The following NUP155 variants were observed in gnomAD, a reference collection of about 807,000 sequenced individuals.
NUP155 encodes the protein nuclear pore complex protein Nup155.
Under a neutral mutation model 180.4 loss-of-function variants are expected in NUP155, and 71 were observed. The ratio of observed to expected loss-of-function variants is 0.39; its 90% CI spans 0.33 to 0.48. The LOEUF is 0.48. Among genes scored for constraint, NUP155 ranks in the 20% least tolerant of loss-of-function variants. The pLI, the probability that NUP155 is intolerant of heterozygous loss-of-function variation, is 0.91. For synonymous variants in NUP155, 582 were observed against 559.5 expected, an observed-to-expected ratio of 1.04 and a Z score of -0.57; for missense variants, 1,553 against 1,648.9, an observed-to-expected ratio of 0.94 and a Z score of 1.01.
chr5:37,365,736 A>ATATATAT (rs1273845086), intron 1 of NUP155, among the ~76,000 whole-genome samples: 4 of 35,704 alleles, frequency 1.1e-4, no homozygotes, highest in South Asian at 3.0e-3. Flanking sequence ...AAAAAAAAAA[A>ATATATAT]AAATATATAT....
intron 26 of NUP155, 62 bp downstream of exon 26, chr5:37,304,995 C>T: frequency 6.3e-7 from 1 of 1,581,750 alleles, no homozygotes; most frequent in Non-Finnish European, 8.7e-7. Context: ...ACTGTGCTAC[C>T]ATTACCATGG....
Position 37,325,973 on chromosome 5 carries a change from A to G in NUP155, c.2025-6T>C, listed in dbSNP as rs765367597. ...AGCTTGCATCCCAAATGTTTCTGGA[A>G]AAAAAAAAGTTTTAATGATTGTGCT... On this transcript the variant is annotated splice_region_variant and splice_polypyrimidine_tract_variant and intron_variant, in intron 18 of 34. Transcript: ENST00000231498. The G allele has an allele frequency of 9.4e-6, 15 of 1,599,618 alleles. No homozygotes were observed. In the Admixed American group the frequency reaches 2.5e-4, roughly 27 times the overall value.
intron 12 of NUP155, 81 bp downstream of exon 12, chr5:37,337,737 T>C: frequency 1.2e-6 from 1 of 800,964 alleles, no homozygotes; most frequent in Admixed American, 1.9e-5. Flanking sequence ...CAGCAATACA[T>C]CAGAAGATAA....
chr5:37,308,917 T>C (rs1039018666), intron 24 of NUP155, among the ~76,000 whole-genome samples: 6 of 107,782 alleles, frequency 5.6e-5, no homozygotes, highest in African/African-American at 1.0e-4. Flanking sequence ...TTTCAAAAAA[T>C]AGAAAGAACA....
chr5:37,305,449 A>G (rs917812763), intron 25 of NUP155, among the ~76,000 whole-genome samples: 3 of 152,166 alleles, frequency 2.0e-5, no homozygotes, highest in Admixed American at 1.3e-4. Flanking sequence ...TGGGAGACGA[A>G]GGCAGGGGGA....
intron 19 of NUP155, among the ~76,000 whole-genome samples, chr5:37,325,518 T>G (rs1744535928): frequency 6.6e-6 from 1 of 152,062 alleles, no homozygotes; most frequent in South Asian, 2.1e-4. Flanking sequence ...CCTGTAATCT[T>G]AGCACTTTGG....
chr5:37,294,314 TAATA>T lies in NUP155; in HGVS notation c.3930+11_3930+14del. The T allele has an allele frequency of 6.7e-7, 1 of 1,486,952 alleles. No individual in the cohort carries two copies. The highest frequency in any genetic ancestry group is 1.7e-4 in the Middle Eastern group (1 of 5,732). The allele number at this position is 1,486,952 out of a possible 1,614,324, so 92.1% of individuals were successfully genotyped here. A position where few individuals can be genotyped will look rare whatever the true frequency, so the allele number is the denominator to read the frequency against. On this transcript the variant is annotated intron_variant, in intron 33 of 34. Transcript: ENST00000231498. ...TTAAAGAAAATAATTTTATGTTATT[TAATA>T]TTTTCCTTACCCGTGATTTGAACAA...
At chr5:37,306,117 G>T (rs75091559) in intron 25 of NUP155, among the ~76,000 whole-genome samples, 9,630 of 152,158 alleles carry the variant, frequency 0.063, 318 homozygotes, top group South Asian at 0.088. Context: ...TTCGCCAGAT[G>T]TGGTGGCTGA....
Position 37,319,199 on chromosome 5 carries a change from G to A in NUP155, c.2208-1114C>T, listed in dbSNP as rs1390017119. On this transcript the variant is annotated intron_variant, in intron 20 of 34. Transcript: ENST00000231498. ...TGTCTGGGGCTAAGAAGTGGGAATG[G>A]AAAGTGACTGCTAATGGACATGAGG... Among the ~76,000 whole-genome samples, 6 of 152,182 alleles carry A rather than the reference G, an allele frequency of 3.9e-5. No homozygotes were observed. The South Asian group carries it at 1.0e-3, about 26-fold the overall frequency.
chr5:37,363,843 A>G, intron 3 of NUP155, 45 bp downstream of exon 3: 1 of 1,257,876 alleles, frequency 7.9e-7, no homozygotes, highest in South Asian at 1.2e-5. Flanking sequence ...TAAAGTTTAT[A>G]TAAATTCCAA....
At chr5:37,326,538 T>C (rs1010323126) in intron 18 of NUP155, among the ~76,000 whole-genome samples, 1 of 152,098 alleles carries the variant, frequency 6.6e-6, no homozygotes, top group African/African-American at 2.4e-5. Flanking sequence ...GAATAAAGGT[T>C]TTGCAAGTGT....
At chr5:37,300,283 G>A (rs971127151) in intron 30 of NUP155, among the ~76,000 whole-genome samples, 6 of 152,174 alleles carry the variant, frequency 3.9e-5, no homozygotes, top group Admixed American at 2.6e-4. Flanking sequence ...ATCCTTTTGA[G>A]TTACAAATAA....
At position 37,364,279 on chromosome 5, in the gene NUP155, G is replaced by A. The variant is rs1262980742; in HGVS notation, c.263C>T (p.Pro88Leu). ...CTGCTCAACAAGTTCAGGTGGGAGA[G>A]GAACTCTTCGGATGGAACTGATCTC... ...LPEISSIRRVPLPPELVEQFG... is the reference protein window; with the variant it reads ...LPEISSIRRVLLPPELVEQFG... Residue 88 changes from proline to leucine, a missense_variant, in exon 2 of 35, where the codon CCT (proline) becomes CTT (leucine). By Grantham distance (98) the Pro-to-Leu change is moderately conservative (BLOSUM62 -3). Transcript: ENST00000231498. 6.2e-7 allele frequency: 1 copy of A among 1,612,890 alleles called. No homozygotes were observed. The highest frequency in any genetic ancestry group is 1.7e-5 in the Admixed American group (1 of 59,996).
chr5:37,323,326 C>G (rs1449678140), intron 20 of NUP155, among the ~76,000 whole-genome samples: 1 of 152,130 alleles, frequency 6.6e-6, no homozygotes, highest in Non-Finnish European at 1.5e-5. Context: ...ATGCTCATAT[C>G]AGCATTCTTA....
rs984579479 is a variant in NUP155 at position 37,369,106 on chromosome 5, G to A, written c.157+1715C>T. On this transcript the variant is annotated intron_variant, in intron 1 of 34. Transcript: ENST00000231498. The stretch of plus-strand genomic sequence containing the variant: ...GTCTCTACATAAAAATTAAAAATTA[G>A]CTGGGTGTGGTGGCAGGCGCCTGTA... 2.0e-5 allele frequency among the ~76,000 whole-genome samples: 3 copies of A among 152,180 alleles called. No homozygotes were observed. In the East Asian group the frequency reaches 5.8e-4, roughly 29 times the overall value.
intron 30 of NUP155, among the ~76,000 whole-genome samples, chr5:37,300,854 T>C (rs1372329257): frequency 6.7e-6 from 1 of 149,500 alleles, no homozygotes; most frequent in Non-Finnish European, 1.5e-5. Flanking sequence ...GGAGTCTTGC[T>C]CTGTCGCCCA....
chr5:37,300,822 ATTTT>A (rs1241491895), intron 30 of NUP155, among the ~76,000 whole-genome samples: 2 of 138,950 alleles, frequency 1.4e-5, no homozygotes. Flanking sequence ...CACCTGGCTA[ATTTT>A]TTTTTTTTTT....
chr5:37,357,198 G>A (rs1292543288), intron 4 of NUP155, among the ~76,000 whole-genome samples: 1 of 150,650 alleles, frequency 6.6e-6, no homozygotes, highest in Non-Finnish European at 1.5e-5. Context: ...TTGAGCACAG[G>A]AGTTCAAGAC....
intron 14 of NUP155, 134 bp downstream of exon 14, chr5:37,331,551 G>T (rs868661257): frequency 2.9e-4 from 133 of 455,532 alleles, no homozygotes; most frequent in Non-Finnish European, 4.4e-4. Context: ...TCCTGCCTGG[G>T]CAACAAGAGC....
Sources: allele counts gnomAD v4.1 joint callset (sites outside exome capture counted in the v4.1 genomes callset), GRCh38; gene constraint gnomAD v4.1.1; transcripts MANE v1.5; gene names NCBI Gene and HGNC (gene_info 2026-07-23, HGNC 2026-07-21).